NEDD4: variants seen among roughly 807,000 people sequenced by gnomAD.
NEDD4 encodes NEDD4 E3 ubiquitin protein ligase.
Under a neutral mutation model 144.9 loss-of-function variants are expected in NEDD4, and 99 were observed. That is an observed-to-expected ratio of 0.68 (90% CI 0.58 to 0.81). The LOEUF is 0.81. Ranked by LOEUF, NEDD4 falls within the 30% of genes least tolerant of loss-of-function variation. The pLI, the probability that NEDD4 is intolerant of heterozygous loss-of-function variation, is 0.00. For missense variants in NEDD4, 985 were observed against 1,065.9 expected (o/e 0.92, Z 1.06); for synonymous variants, 318 against 350.6 (o/e 0.91, Z 1.04).
chr15:55,944,417 C>G (rs1338053584), intron 4 of NEDD4, among the ~76,000 whole-genome samples: 7 of 152,216 alleles, frequency 4.6e-5, no homozygotes, highest in African/African-American at 1.7e-4. Flanking sequence ...ACCTGCCAGT[C>G]TGCAGACTGG....
In NEDD4 at chr15:55,848,528, T is replaced by C; in HGVS notation, c.1476A>G (p.Ile492Met). The change falls in exon 16 of 29, where the codon ATA becomes ATG. Residue 492 changes from isoleucine to methionine, a missense_variant. Physicochemically the swap from Ile to Met is conservative, Grantham distance 10. Coordinates refer to ENST00000435532, the MANE Select transcript of NEDD4 (RefSeq NM_006154.4). ...RTHTDGRIFY[I>M]NHNIKRTQWE... ...AAATCGCACTGCACATACTGTGATT[T>C]ATGTAGAAGATTCTTCCATCTGTGT... 6.2e-7 allele frequency: 1 copy of C among 1,613,668 alleles called. No individual in the cohort carries two copies. Among genetic ancestry groups the C allele is most frequent in the African/African-American group, 1.3e-5 (1 of 75,050 alleles).
chr15:55,880,591 T>C (rs1215746630), intron 5 of NEDD4, among the ~76,000 whole-genome samples: 1 of 152,034 alleles, frequency 6.6e-6, no homozygotes, highest in Non-Finnish European at 1.5e-5. Flanking sequence ...AGGGAGGTAA[T>C]GGAGGATATA....
intron 5 of NEDD4, among the ~76,000 whole-genome samples, chr15:55,883,551 C>T (rs552813786): frequency 2.0e-5 from 3 of 152,058 alleles, no homozygotes; most frequent in East Asian, 1.9e-4. Context: ...TGGCAGCTAG[C>T]GAGTGGTTAC....
chr15:55,876,302 T>A (rs1169086800), intron 5 of NEDD4, among the ~76,000 whole-genome samples: 2 of 151,536 alleles, frequency 1.3e-5, no homozygotes, highest in Non-Finnish European at 2.9e-5. Context: ...GAAATTCAGA[T>A]CTAAAGAGAG....
At position 55,951,500 on chromosome 15, in the gene NEDD4, C is replaced by T; in HGVS notation, c.198+11G>A. 1 of 1,509,534 alleles carries T rather than the reference C, an allele frequency of 6.6e-7. No individual in the cohort carries two copies. Among genetic ancestry groups the T allele is most frequent in the East Asian group, 2.5e-5 (1 of 39,906 alleles). 93.5% of individuals were successfully genotyped at this position (1,509,534 alleles called of 1,614,324 possible). On this transcript the variant is annotated intron_variant, in intron 3 of 28. Coordinates refer to ENST00000435532, the MANE Select transcript of NEDD4 (RefSeq NM_006154.4). ...GTACATTAAAAACTTTTGAATATTG[C>T]TAAGTCTAACCTTTTTAATGGTTTT...
chr15:55,906,353 T>C (rs1393599072), intron 5 of NEDD4, among the ~76,000 whole-genome samples: 1 of 152,272 alleles, frequency 6.6e-6, no homozygotes, highest in African/African-American at 2.4e-5. Context: ...TGCAGCACTA[T>C]TCACAATAGC....
At chr15:55,832,835 G>A (rs1157921580) in intron 27 of NEDD4, among the ~76,000 whole-genome samples, 173 bp downstream of exon 27, 1 of 152,112 alleles carries the variant, frequency 6.6e-6, no homozygotes, top group Non-Finnish European at 1.5e-5. Flanking sequence ...ATTAGAAGGT[G>A]TAAATATATT....
At chr15:55,893,129 G>A (rs904817458) in intron 5 of NEDD4, among the ~76,000 whole-genome samples, 2 of 152,086 alleles carry the variant, frequency 1.3e-5, no homozygotes, top group African/African-American at 2.4e-5. Context: ...GAGCCAAGAA[G>A]CACAGATAAG....
At chr15:55,979,575 G>A (rs533800942) in intron 1 of NEDD4, among the ~76,000 whole-genome samples, 45 of 150,932 alleles carry the variant, frequency 3.0e-4, no homozygotes, top group Non-Finnish European at 5.8e-4. Flanking sequence ...GGATGGTCTC[G>A]ATCTCCTGAC....
rs1338724393 is a variant in NEDD4 at position 55,827,123 on chromosome 15, G to A, written c.*2774C>T. On this transcript the variant is annotated 3_prime_UTR_variant, in exon 29 of 29. Coordinates refer to ENST00000435532, the MANE Select transcript of NEDD4 (RefSeq NM_006154.4). ...TTGATACTTATATGGAATAACTTCA[G>A]CATTATAAATAAAAACCCAAAACAA... 5 of 152,104 alleles carry A rather than the reference G, an allele frequency of 3.3e-5. No homozygotes were observed. Among genetic ancestry groups the A allele is most frequent in the South Asian group, 2.1e-4 (1 of 4,828 alleles). 9.4% of individuals were successfully genotyped at this position (152,104 alleles called of 1,614,324 possible).
At chr15:55,858,318 TTTTC>T (rs1183829306) in intron 11 of NEDD4, among the ~76,000 whole-genome samples, 8 of 152,140 alleles carry the variant, frequency 5.3e-5, no homozygotes, top group Admixed American at 6.5e-5. Flanking sequence ...ATTCTTTTTT[TTTTC>T]TTGAGACGGA....
At chr15:55,978,938 AC>A (rs370149970) in intron 1 of NEDD4, among the ~76,000 whole-genome samples, 1,475 of 145,428 alleles carry the variant, frequency 0.01, 26 homozygotes, top group African/African-American at 0.036. Context: ...AAAAAAAAAA[AC>A]AAGAACAGAA....
At chr15:55,936,682 G>C (rs1200437694) in intron 4 of NEDD4, among the ~76,000 whole-genome samples, 1 of 152,108 alleles carries the variant, frequency 6.6e-6, no homozygotes, top group Non-Finnish European at 1.5e-5. Context: ...AGATGCCCAA[G>C]CACAATTCTT....
intron 4 of NEDD4, among the ~76,000 whole-genome samples, chr15:55,925,108 C>G (rs2142235224): frequency 6.6e-6 from 1 of 152,214 alleles, no homozygotes; most frequent in Non-Finnish European, 1.5e-5. Context: ...AAGAAGTTGC[C>G]ATTTTCTAAT....
intron 5 of NEDD4, among the ~76,000 whole-genome samples, chr15:55,894,742 T>C (rs1285154325): frequency 7.9e-5 from 12 of 152,324 alleles, no homozygotes; most frequent in African/African-American, 2.9e-4. Context: ...GTTTCATTCA[T>C]GATTTATTGT....
At chr15:55,956,597 T>C (rs529304830) in intron 2 of NEDD4, among the ~76,000 whole-genome samples, 1 of 152,292 alleles carries the variant, frequency 6.6e-6, no homozygotes, top group African/African-American at 2.4e-5. Flanking sequence ...TATATGTGTA[T>C]ATATTCTCTC....
chr15:55,850,522 T>C lies in NEDD4; in HGVS notation c.1347+20A>G. 1 of 1,610,572 alleles carries C rather than the reference T, an allele frequency of 6.2e-7. No individual in the cohort carries two copies. The highest frequency in any genetic ancestry group is 8.5e-7 in the Non-Finnish European group (1 of 1,177,352). Reference sequence around the variant, plus strand: ...TGATTATTGTTGTTATAAATTTAAATGGAAAAGTATCAAAGTTACCCAGGT... The same window carrying C: ...TGATTATTGTTGTTATAAATTTAAACGGAAAAGTATCAAAGTTACCCAGGT... On this transcript the variant is annotated intron_variant, in intron 14 of 28. Coordinates refer to ENST00000435532, the MANE Select transcript of NEDD4 (RefSeq NM_006154.4).
At chr15:55,915,542 A>G in intron 5 of NEDD4, 7 of 1,613,980 alleles carry the variant, frequency 4.3e-6, no homozygotes, top group Non-Finnish European at 5.1e-6. Context: ...TTATTTGACA[A>G]TCTACATTTT....
chr15:55,839,973 CAAAAAAAAAAA>C (rs1157411288), intron 21 of NEDD4, among the ~76,000 whole-genome samples: 1 of 12,118 alleles, frequency 8.3e-5, no homozygotes, highest in Non-Finnish European at 1.3e-4. Flanking sequence ...CACTCTGTCT[CAAAAAAAAAAA>C]AAAAAAAAAA....
Sources: gnomAD v4.1 joint callset for allele counts (sites outside exome capture counted in the v4.1 genomes callset) on GRCh38, gnomAD v4.1.1 for gene constraint, MANE v1.5 for transcripts, NCBI Gene and HGNC (gene_info 2026-07-23, HGNC 2026-07-21) for gene names.